Variants in DYNC1I2 observed in about 807,000 individuals in gnomAD.
DYNC1I2 encodes the protein dynein cytoplasmic 1 intermediate chain 2.
In DYNC1I2, 53 loss-of-function variants were observed where a neutral mutation model predicts 88.6. That is an observed-to-expected ratio of 0.60 (90% CI 0.48 to 0.75). The LOEUF (loss-of-function observed/expected upper bound fraction) is 0.75. DYNC1I2 is among the 30% of genes least tolerant of loss of function. DYNC1I2 has a pLI of 0.00. For missense variants in DYNC1I2, 458 were observed against 766.6 expected, an observed-to-expected ratio of 0.60 and a Z score of 4.75; for synonymous variants, 198 against 254.6, an observed-to-expected ratio of 0.78 and a Z score of 2.12.
chr2:171,703,756 G>A (rs1252273422), intron 3 of DYNC1I2, among the ~76,000 whole-genome samples: 1 of 152,122 alleles, frequency 6.6e-6, no homozygotes, highest in Non-Finnish European at 1.5e-5. Flanking sequence ...TGAAAAATAG[G>A]TAGTTATTTA....
At chr2:171,701,282 G>A (rs898640934) in intron 3 of DYNC1I2, among the ~76,000 whole-genome samples, 1 of 152,128 alleles carries the variant, frequency 6.6e-6, no homozygotes, top group East Asian at 1.9e-4. Context: ...CAATTCCCCT[G>A]CCTCAGCCAC....
intron 6 of DYNC1I2, among the ~76,000 whole-genome samples, chr2:171,714,764 C>T (rs1476137710): frequency 6.6e-6 from 1 of 152,130 alleles, no homozygotes; most frequent in Admixed American, 6.6e-5. Context: ...CAGTATTGAT[C>T]ATGCAGAGAT....
chr2:171,687,494 G>A lies in DYNC1I2; in HGVS notation c.-143G>A, dbSNP rs1439691806. ...CTTCTCGATCGTGTCAGTTTGTAAG[G>A]CGAGGGCGGAAGTTGGATTCCTGGC... On this transcript the variant is annotated 5_prime_UTR_variant, in exon 1 of 18. Transcript: ENST00000397119. 6.6e-6 allele frequency: 1 copy of A among 152,190 alleles called. No individual in the cohort carries two copies. Among genetic ancestry groups the A allele is most frequent in the Non-Finnish European group, 1.5e-5 (1 of 68,068 alleles). The allele number at this position is 152,190 out of a possible 1,614,324, so 9.4% of individuals were successfully genotyped here.
chr2:171,733,455 G>A (rs550436875), intron 15 of DYNC1I2, among the ~76,000 whole-genome samples: 2 of 84,992 alleles, frequency 2.4e-5, no homozygotes, highest in East Asian at 7.5e-4. Context: ...AACCTTGCCA[G>A]CATCTTTTTT....
chr2:171,699,394 C>T (rs1457337555), intron 3 of DYNC1I2, among the ~76,000 whole-genome samples: 1 of 152,094 alleles, frequency 6.6e-6, no homozygotes, highest in Admixed American at 6.5e-5. Context: ...CTTTGATTTT[C>T]TTATACTATC....
chr2:171,739,473 T>A (rs1025934262), intron 15 of DYNC1I2, among the ~76,000 whole-genome samples: 2 of 152,088 alleles, frequency 1.3e-5, no homozygotes, highest in Non-Finnish European at 2.9e-5. Context: ...AATATTAAAA[T>A]CAAGCCTATA....
chr2:171,727,129 T>C (rs1688306773), intron 11 of DYNC1I2, among the ~76,000 whole-genome samples: 1 of 152,178 alleles, frequency 6.6e-6, no homozygotes, highest in Non-Finnish European at 1.5e-5. Context: ...ACATCTCTTA[T>C]AATGTTTAAT....
At chr2:171,743,712 A>C (rs1434732707) in intron 15 of DYNC1I2, among the ~76,000 whole-genome samples, 1 of 152,182 alleles carries the variant, frequency 6.6e-6, no homozygotes, top group Non-Finnish European at 1.5e-5. Context: ...GTTTATGGGG[A>C]GAACTAGAGG....
At chr2:171,687,921 T>G (rs563820587) in intron 1 of DYNC1I2, 1 of 152,406 alleles carries the variant, frequency 6.6e-6, no homozygotes, top group African/African-American at 2.4e-5. Context: ...GTGTTCCACG[T>G]CGCAACTCGA....
At chr2:171,690,604 G>A (rs956182648) in intron 2 of DYNC1I2, among the ~76,000 whole-genome samples, 3 of 150,724 alleles carry the variant, frequency 2.0e-5, no homozygotes, top group South Asian at 4.2e-4. Flanking sequence ...AGTCTCCTAG[G>A]AATATATTTA....
chr2:171,737,031 C>T (rs1458374969), intron 15 of DYNC1I2, among the ~76,000 whole-genome samples: 2 of 152,182 alleles, frequency 1.3e-5, no homozygotes, highest in Non-Finnish European at 2.9e-5. Flanking sequence ...TATTCTTTCA[C>T]ATTTCTGGAG....
chr2:171,720,955 G>C lies in DYNC1I2; in HGVS notation c.512-4663G>C, dbSNP rs142992252. Among the ~76,000 whole-genome samples, 706 of 151,332 alleles carry C rather than the reference G, an allele frequency of 4.7e-3. 7 individuals are homozygous for C. Among genetic ancestry groups the C allele is most frequent in the African/African-American group, 0.016 (664 of 41,282 alleles). ...TCACAGATAACAAGACCTATGTAAGGGTGCTAATACTGCGAAAATAAAACC... is the reference window on the plus strand; with the variant it reads ...TCACAGATAACAAGACCTATGTAAGCGTGCTAATACTGCGAAAATAAAACC... On this transcript the variant is annotated intron_variant, in intron 7 of 17. Coordinates refer to ENST00000397119, the MANE Select transcript of DYNC1I2 (RefSeq NM_001378.3).
rs1687424510 is a variant in DYNC1I2 at position 171,715,478 on chromosome 2, C to T, written c.511+35C>T. ...TATCCTTAGTATAATTGTCATTGAG[C>T]ACCTATGTTAAATACATAGATTCTT... On this transcript the variant is annotated intron_variant, in intron 7 of 17. Transcript: ENST00000397119. 3 of 1,332,656 alleles carry T rather than the reference C, an allele frequency of 2.3e-6. No homozygotes were observed. In the South Asian group the frequency reaches 4.0e-5, roughly 18 times the overall value. The allele number at this position is 1,332,656 out of a possible 1,614,324, so 82.6% of individuals were successfully genotyped here.
intron 6 of DYNC1I2, among the ~76,000 whole-genome samples, chr2:171,715,108 T>C (rs1332440184): frequency 6.6e-6 from 1 of 152,194 alleles, no homozygotes. Context: ...CTTTTTAAAA[T>C]GAAAATAAAA....
At chr2:171,744,216 A>C in intron 16 of DYNC1I2, 27 bp downstream of exon 16, 1 of 1,561,806 alleles carries the variant, frequency 6.4e-7, no homozygotes. Flanking sequence ...CAAAAATTGC[A>C]TTGAAAAATA....
intron 5 of DYNC1I2, among the ~76,000 whole-genome samples, chr2:171,709,682 G>A (rs1442466726): frequency 6.6e-6 from 1 of 152,274 alleles, no homozygotes; most frequent in South Asian, 2.1e-4. Flanking sequence ...GTTTAACGGA[G>A]AGAAAAATCC....
intron 11 of DYNC1I2, 137 bp from the exon 12 acceptor site, chr2:171,727,684 T>TAA: frequency 1.6e-6 from 1 of 640,710 alleles, no homozygotes; most frequent in Non-Finnish European, 2.4e-6. Context: ...AACTTTTAAT[T>TAA]AATTTACTTA....
At chr2:171,723,924 G>A (rs141036123) in intron 7 of DYNC1I2, among the ~76,000 whole-genome samples, 15 of 152,262 alleles carry the variant, frequency 9.9e-5, no homozygotes, top group African/African-American at 2.9e-4. Flanking sequence ...CTCTGGCTGC[G>A]TTGACGGAGA....
At position 171,725,602 on chromosome 2, in the gene DYNC1I2, T is replaced by TGG; in HGVS notation, c.512-16_512-15insGG. On this transcript the variant is annotated splice_polypyrimidine_tract_variant and intron_variant, in intron 7 of 17. Coordinates refer to ENST00000397119, the MANE Select transcript of DYNC1I2 (RefSeq NM_001378.3). The stretch of plus-strand genomic sequence containing the variant: ...TGTTTTTTTGTTTTTTTGTTTGTTT[T>TGG]TTTTTTTTTTTTCAGATGAAGAGGA... 32 of 977,812 alleles carry TGG rather than the reference T, an allele frequency of 3.3e-5. No homozygotes were observed. The highest frequency in any genetic ancestry group is 6.6e-4 in the Middle Eastern group (2 of 3,012). The allele number at this position is 977,812 out of a possible 1,614,324, so 60.6% of individuals were successfully genotyped here.
Sources: gnomAD v4.1 joint callset for allele counts (sites outside exome capture counted in the v4.1 genomes callset) on GRCh38, gnomAD v4.1.1 for gene constraint, MANE v1.5 for transcripts, NCBI Gene and HGNC (gene_info 2026-07-23, HGNC 2026-07-21) for gene names.